The following KIF17 variants were observed in gnomAD, a reference collection of about 807,000 sequenced individuals.
KIF17 encodes the protein kinesin-like protein KIF17.
Under a neutral mutation model 96.8 loss-of-function variants are expected in KIF17, and 80 were observed. The ratio of observed to expected loss-of-function variants is 0.83; its 90% CI spans 0.69 to 1.00. The LOEUF (loss-of-function observed/expected upper bound fraction) is 1.00, where lower values mean the gene tolerates loss of function less well. Among genes scored for constraint, KIF17 ranks in the 50% least tolerant of loss-of-function variants. KIF17 has a pLI of 0.00. For synonymous variants in KIF17, 567 were observed against 587.5 expected, an observed-to-expected ratio of 0.97 and a Z score of 0.51; for missense variants, 1,280 against 1,372.9, an observed-to-expected ratio of 0.93 and a Z score of 1.07.
chr1:20,709,655 G>A lies in KIF17; in HGVS notation c.654C>T (p.Ile218=), dbSNP rs748147904. 31 of 1,613,926 alleles carry A rather than the reference G, an allele frequency of 1.9e-5. No homozygotes were observed. Among genetic ancestry groups the A allele is most frequent in the Admixed American group, 1.7e-4 (10 of 59,996 alleles). The change falls in exon 4 of 15, where the codon ATC becomes ATT. Residue 218 remains isoleucine, a synonymous_variant. Coordinates refer to ENST00000400463, the MANE Select transcript of KIF17 (RefSeq NM_001122819.3). This position sits in a 1 kb window ranked among gnomAD's most constrained non-coding sequence, Gnocchi z 4.7. ...CTCGCATACCCACGGCAGACATCTCGATGCTGATGGTGAAGATGGAGTGCG... is the reference window on the plus strand; with the variant it reads ...CTCGCATACCCACGGCAGACATCTCAATGCTGATGGTGAAGATGGAGTGCG... ...SRSHSIFTIS[I]EMSAVDERGK...
Position 20,688,089 on chromosome 1 carries a change from C to T in KIF17, c.1382-145G>A, listed in dbSNP as rs374265663. 111 of 704,414 alleles carry T rather than the reference C, an allele frequency of 1.6e-4. No individual in the cohort carries two copies. The African/African-American group carries it at 1.7e-3, about 11-fold the overall frequency. The allele number at this position is 704,414 out of a possible 1,614,324, so 43.6% of individuals were successfully genotyped here. On this transcript the variant is annotated intron_variant, in intron 7 of 14. Coordinates refer to ENST00000400463, the MANE Select transcript of KIF17 (RefSeq NM_001122819.3). ...TGAGACAGAGTCTTGCTCTGTCGCC[C>T]GGGCTGGAGTGCAGTGGTGCGATCT...
Position 20,687,275 on chromosome 1 carries a change from G to A in KIF17, c.1938+113C>T, listed in dbSNP as rs942084454. 27 of 1,216,682 alleles carry A rather than the reference G, an allele frequency of 2.2e-5. No homozygotes were observed. Among genetic ancestry groups the A allele is most frequent in the Admixed American group, 3.4e-5 (2 of 58,970 alleles). The allele number at this position is 1,216,682 out of a possible 1,614,324, so 75.4% of individuals were successfully genotyped here. A position where few individuals can be genotyped will look rare whatever the true frequency, so the allele number is the denominator to read the frequency against. ...GCCGCAGCAGACACAGTGGAGCCAC[G>A]GCCTGAGTGTCGGAGGCCATGTGTG... is the stretch of plus-strand genomic sequence containing the variant. On this transcript the variant is annotated intron_variant, in intron 8 of 14. Transcript: ENST00000400463. This position sits in a 1 kb window ranked among gnomAD's most constrained non-coding sequence, Gnocchi z 4.4.
intron 3 of KIF17, among the ~76,000 whole-genome samples, chr1:20,710,286 A>G (rs1377235517): frequency 6.6e-6 from 1 of 152,154 alleles, no homozygotes; most frequent in African/African-American, 2.4e-5. Flanking sequence ...GTCACCCATG[A>G]GCCCTGAGTG....
chr1:20,687,611 C>T lies in KIF17; in HGVS notation c.1715G>A (p.Arg572Lys). ...GCACTCATCCAGGAAGTATCTGCTC[C>T]TGGACTCCTCAGTGGGCATGGAGAC... ...VEVSMPTEES[R>K]SRYFLDECLG... Residue 572 changes from arginine (R) to lysine (K), a missense_variant, in exon 8 of 15, where the codon AGG (arginine) becomes AAG (lysine). By Grantham distance (26) the Arg-to-Lys change is conservative. Coordinates refer to ENST00000400463, the MANE Select transcript of KIF17 (RefSeq NM_001122819.3). This position sits in a 1 kb window ranked among gnomAD's most constrained non-coding sequence, Gnocchi z 4.4. 2 of 1,614,170 alleles carry T rather than the reference C, an allele frequency of 1.2e-6. No individual in the cohort carries two copies. The highest frequency in any genetic ancestry group is 1.7e-6 in the Non-Finnish European group (2 of 1,180,026).
chr1:20,662,998 T>C (rs1570421494), downstream of KIF17, among the ~76,000 whole-genome samples: 1 of 152,096 alleles, frequency 6.6e-6, no homozygotes, highest in Non-Finnish European at 1.5e-5. Context: ...CAGGCCGAGG[T>C]GGGCAGATCA....
rs1415910130 is a variant in KIF17 at position 20,672,635 on chromosome 1, A to C, written c.2464-439T>G. ...CACAAGTGACATCTCTAAGGAGGAC[A>C]ACAGGCACAAACTCTCCGACTTGAC... is the stretch of plus-strand genomic sequence containing the variant. On this transcript the variant is annotated intron_variant, in intron 11 of 14. Coordinates refer to ENST00000400463, the MANE Select transcript of KIF17 (RefSeq NM_001122819.3). The surrounding 1 kb of genome is among the most constrained non-coding windows in gnomAD (Gnocchi z 4.3). 6.6e-6 allele frequency among the ~76,000 whole-genome samples: 1 copy of C among 152,244 alleles called. No homozygotes were observed.
intron 4 of KIF17, among the ~76,000 whole-genome samples, chr1:20,707,569 G>C (rs1167038626): frequency 6.6e-6 from 1 of 151,986 alleles, no homozygotes; most frequent in Non-Finnish European, 1.5e-5. Flanking sequence ...CCAGGAGTTC[G>C]AGACCAGCCT....
At chr1:20,715,736 G>T in intron 1 of KIF17, 97 bp from the exon 2 acceptor site, 1 of 1,431,848 alleles carries the variant, frequency 7.0e-7, no homozygotes, top group Non-Finnish European at 9.7e-7. Flanking sequence ...GCCCTTCCTG[G>T]TCCCCCCACC....
At position 20,664,496 on chromosome 1, in the gene KIF17, A is replaced by G; in HGVS notation, c.*88T>C. 1 of 1,610,112 alleles carries G rather than the reference A, an allele frequency of 6.2e-7. No homozygotes were observed. Among genetic ancestry groups the G allele is most frequent in the Non-Finnish European group, 8.5e-7 (1 of 1,179,176 alleles). On this transcript the variant is annotated 3_prime_UTR_variant, in exon 15 of 15. Transcript: ENST00000400463. ...CTCAGGCCCCGGAGCGCTGTGTGGC[A>G]GGTGGGAGGAGACCTGGTTGGGGCT...
intron 5 of KIF17, among the ~76,000 whole-genome samples, chr1:20,701,033 C>T (rs1413714620): frequency 6.6e-6 from 1 of 152,204 alleles, no homozygotes; most frequent in African/African-American, 2.4e-5. Flanking sequence ...CTGGTGCTTC[C>T]CCATGTGTGT....
At chr1:20,702,326 G>A (rs1321801138) in intron 5 of KIF17, among the ~76,000 whole-genome samples, 5 of 150,436 alleles carry the variant, frequency 3.3e-5, no homozygotes, top group African/African-American at 1.3e-4. Flanking sequence ...CCAGGGAGAA[G>A]GGATGCTAAC....
chr1:20,708,696 CCT>C (rs1273479353), intron 4 of KIF17, among the ~76,000 whole-genome samples: 9 of 152,200 alleles, frequency 5.9e-5, no homozygotes, highest in Admixed American at 3.3e-4. Flanking sequence ...CCTCTCAGAG[CCT>C]CTGTTTCCTC....
Position 20,666,252 on chromosome 1 carries a change from G to A in KIF17, c.2870C>T (p.Ala957Val). Residue 957 changes from alanine (A) to valine (V), a missense_variant, in exon 14 of 15, where the codon GCC (alanine) becomes GTC (valine). By Grantham distance (64) the Ala-to-Val change is moderately conservative (BLOSUM62 0). Transcript: ENST00000400463. ...GGCGTCTGTGCTGAGGATCTGGCTG[G>A]CCCGCTTAGATCGGAAGTAGTTGCT... ...IASNYFRSKR[A>V]SQILSTDARK... 1.2e-6 allele frequency: 2 copies of A among 1,614,174 alleles called. No individual in the cohort carries two copies. Among genetic ancestry groups the A allele is most frequent in the Non-Finnish European group, 1.7e-6 (2 of 1,179,996 alleles).
At chr1:20,683,307 A>G (rs4655235) in intron 10 of KIF17, among the ~76,000 whole-genome samples, 31,255 of 152,242 alleles carry the variant, frequency 0.21, 4,197 homozygotes, top group Non-Finnish European at 0.3. Flanking sequence ...ATACATTGTT[A>G]AGACTATTTA....
At chr1:20,712,589 T>TATAATATAGATA (rs2054461679) in intron 3 of KIF17, among the ~76,000 whole-genome samples, 2 of 15,186 alleles carry the variant, frequency 1.3e-4, no homozygotes, top group South Asian at 1.8e-3. Context: ...TATCTATATA[T>TATAATATAGATA]ATATCTATAT....
chr1:20,687,896 C>A lies in KIF17; in HGVS notation c.1430G>T (p.Arg477Met). The part of the protein sequence containing the change: ...GVLYKAEVMS[R>M]AEFASSAEYP... The stretch of plus-strand genomic sequence containing the variant: ...CTCAGCGCTGCTGGCAAACTCAGCC[C>A]TGGACATGACCTCAGCCTTGTAGAG... The change falls in exon 8 of 15, where the codon AGG becomes ATG. Residue 477 changes from arginine (R) to methionine (M), a missense_variant. By Grantham distance (91) the Arg-to-Met change is moderately conservative. Transcript: ENST00000400463. The surrounding 1 kb of genome is among the most constrained non-coding windows in gnomAD (Gnocchi z 4.4). The A allele has an allele frequency of 6.2e-7, 1 of 1,613,908 alleles. No individual in the cohort carries two copies. Among genetic ancestry groups the A allele is most frequent in the Non-Finnish European group, 8.5e-7 (1 of 1,180,040 alleles).
rs548294649 is a variant in KIF17, at chr1:20,717,828, C to A, written c.-122G>T. On this transcript the variant is annotated 5_prime_UTR_variant, in exon 1 of 15. Transcript: ENST00000400463. ...GGGGGGCGGGGCCTTGAGGCAGGGG[C>A]GGGGCCGCGGCGGGGGGCGGGGACC... 2.2e-5 allele frequency: 22 copies of A among 1,004,936 alleles called. No homozygotes were observed. In the African/African-American group the frequency reaches 4.2e-4, roughly 19 times the overall value. The allele number at this position is 1,004,936 out of a possible 1,614,324, so 62.3% of individuals were successfully genotyped here.
chr1:20,705,378 T>A (rs2054322838), intron 4 of KIF17, among the ~76,000 whole-genome samples: 1 of 152,138 alleles, frequency 6.6e-6, no homozygotes, highest in East Asian at 1.9e-4. Context: ...CAGTGTGGCA[T>A]TAGCAGAGCC....
Position 20,715,657 on chromosome 1 carries a change from A to T in KIF17, c.232-18T>A. On this transcript the variant is annotated intron_variant, in intron 1 of 14. Transcript: ENST00000400463. ...GTGACGCCCTGCATGGGAGGAAGGC[A>T]GGACCCCGTGCTCAGTGGAGCAGGC... The T allele has an allele frequency of 6.2e-7, 1 of 1,613,652 alleles. No individual in the cohort carries two copies. Among genetic ancestry groups the T allele is most frequent in the Non-Finnish European group, 8.5e-7 (1 of 1,180,014 alleles).
Sources: gnomAD v4.1 joint callset for allele counts (sites outside exome capture counted in the v4.1 genomes callset) on GRCh38, gnomAD v4.1.1 for gene constraint, Gnocchi (gnomAD v3.1) non-coding constraint, MANE v1.5 for transcripts, NCBI Gene and HGNC (gene_info 2026-07-23, HGNC 2026-07-21) for gene names.